PIK3IP1: variants seen among roughly 807,000 people sequenced by gnomAD.
PIK3IP1 encodes phosphoinositide-3-kinase interacting protein 1.
In PIK3IP1, 28 loss-of-function variants were observed where a neutral mutation model predicts 30.7. The observed-to-expected ratio is 0.91, with a 90% CI of 0.68 to 1.25. The LOEUF (loss-of-function observed/expected upper bound fraction) is 1.25. Among genes scored for constraint, PIK3IP1 ranks in the 50% most tolerant of loss-of-function variants. The pLI is 0.00. For synonymous variants in PIK3IP1, 159 were observed against 140.8 expected (o/e 1.13, Z -0.91); for missense variants, 333 against 346.2 (o/e 0.96, Z 0.30).
intron 5 of PIK3IP1, among the ~76,000 whole-genome samples, chr22:31,287,547 G>A (rs2049141458): frequency 6.7e-6 from 1 of 148,886 alleles, no homozygotes; most frequent in South Asian, 2.1e-4. Flanking sequence ...GGCCAGGCTG[G>A]TCTCGAACTC....
At chr22:31,285,054 G>A (rs2049120827) in intron 5 of PIK3IP1, among the ~76,000 whole-genome samples, 1 of 152,228 alleles carries the variant, frequency 6.6e-6, no homozygotes, top group Non-Finnish European at 1.5e-5. Flanking sequence ...AGAGAGAGCA[G>A]GTGTAGAGGA....
At chr22:31,290,643 A>C (rs2049167139) in intron 3 of PIK3IP1, 2 of 300,822 alleles carry the variant, frequency 6.6e-6, no homozygotes, top group Non-Finnish European at 6.1e-6. Context: ...GGTCTAGCAC[A>C]CTGCAGACGC....
In PIK3IP1 at chr22:31,290,945, C is replaced by A; in HGVS notation, c.307+20G>T. On this transcript the variant is annotated intron_variant, in intron 3 of 5. Coordinates refer to ENST00000215912, the MANE Select transcript of PIK3IP1 (RefSeq NM_052880.5). ...CTGTCAGCGCCAGGAGCGGGGATTC[C>A]CGGGGTCCCGGGCAGGTACCTGGAC... 1 of 1,549,586 alleles carries A rather than the reference C, an allele frequency of 6.5e-7. No homozygotes were observed.
Position 31,283,204 on chromosome 22 carries a change from G to A in PIK3IP1, c.672C>T (p.Thr224=), listed in dbSNP as rs2049103442. 3 of 1,614,200 alleles carry A rather than the reference G, an allele frequency of 1.9e-6. No individual in the cohort carries two copies. Among genetic ancestry groups the A allele is most frequent in the Middle Eastern group, 1.6e-4 (1 of 6,062 alleles). Residue 224 remains threonine (T), a synonymous_variant, in exon 6 of 6, where the codon ACC becomes ACT. Coordinates refer to ENST00000215912, the MANE Select transcript of PIK3IP1 (RefSeq NM_052880.5). The part of the protein sequence containing the change: ...QRITLPLSAF[T]NPTCEIVDEK... The stretch of plus-strand genomic sequence containing the variant: ...CATCCACAATCTCACAGGTGGGGTT[G>A]GTGAAGGCAGACAAGGGCAGAGTGA...
Position 31,282,934 on chromosome 22 carries a change from C to A in PIK3IP1, c.*150G>T, listed in dbSNP as rs2049100440. On this transcript the variant is annotated 3_prime_UTR_variant, in exon 6 of 6. Transcript: ENST00000215912. ...GCCTTACCCTCAGCCCACAGGGCCA[C>A]CTGCTTCTGTCACTCTTACTAGGAT... The A allele has an allele frequency of 7.8e-6, 5 of 643,226 alleles. No individual in the cohort carries two copies. The highest frequency in any genetic ancestry group is 1.3e-5 in the Non-Finnish European group (5 of 373,806). 39.8% of individuals were successfully genotyped at this position (643,226 alleles called of 1,614,324 possible). A position where few individuals can be genotyped will look rare whatever the true frequency, so the allele number is the denominator to read the frequency against.
intron 1 of PIK3IP1, among the ~76,000 whole-genome samples, chr22:31,291,993 G>A (rs982685193): frequency 1.3e-5 from 2 of 152,204 alleles, no homozygotes; most frequent in Non-Finnish European, 2.9e-5. Context: ...AAAGGGCTTA[G>A]AAAGAACAGG....
rs2049099361 is a variant in PIK3IP1 at position 31,282,790 on chromosome 22, T to C, written c.*294A>G. ...TCTATCCCTGGTTCAGTTCCAGGGGTGCAGGCAATGTTTGGAAGCCCTTAG... is the reference window on the plus strand; with the variant it reads ...TCTATCCCTGGTTCAGTTCCAGGGGCGCAGGCAATGTTTGGAAGCCCTTAG... On this transcript the variant is annotated 3_prime_UTR_variant, in exon 6 of 6. Coordinates refer to ENST00000215912, the MANE Select transcript of PIK3IP1 (RefSeq NM_052880.5). 2.7e-6 allele frequency: 1 copy of C among 370,562 alleles called. No individual in the cohort carries two copies. The highest frequency in any genetic ancestry group is 5.0e-6 in the Non-Finnish European group (1 of 198,088). 23.0% of individuals were successfully genotyped at this position (370,562 alleles called of 1,614,324 possible). A position where few individuals can be genotyped will look rare whatever the true frequency, so the allele number is the denominator to read the frequency against.
At chr22:31,290,207 GGTGAAACCCCGTCTCT>G (rs2049163458) in intron 3 of PIK3IP1, 1 of 152,734 alleles carries the variant, frequency 6.5e-6, no homozygotes, top group African/African-American at 2.4e-5. Flanking sequence ...CGGCCAACAT[GGTGAAACCCCGTCTCT>G]ACTAAAAATA....
At position 31,291,227 on chromosome 22, in the gene PIK3IP1, A is replaced by G; in HGVS notation, c.140T>C (p.Leu47Pro). The G allele has an allele frequency of 6.4e-7, 1 of 1,550,496 alleles. No individual in the cohort carries two copies. The highest frequency in any genetic ancestry group is 8.7e-7 in the Non-Finnish European group (1 of 1,147,090). ...CCCGCTCTGCGCGTCCAGCCAGTTG[A>G]GGCAGCGGAGGCCCGGCGCGGGGGA... Reference protein sequence around the residue: ...QTSPAPGLRCLNWLDAQSGLA... With the variant: ...QTSPAPGLRCPNWLDAQSGLA... The change falls in exon 2 of 6, where the codon CTC (leucine) becomes CCC (proline). Residue 47 changes from leucine (L) to proline (P), a missense_variant. Transcript: ENST00000215912.
At position 31,291,250 on chromosome 22, in the gene PIK3IP1, G is replaced by A; in HGVS notation, c.117C>T (p.Ser39=). The A allele has an allele frequency of 1.3e-6, 2 of 1,553,264 alleles. No homozygotes were observed. The highest frequency in any genetic ancestry group is 8.7e-7 in the Non-Finnish European group (1 of 1,148,802). ...TGAGGCAGCGGAGGCCCGGCGCGGG[G>A]GAGGTCTGGTCCTCCCGGTACAGGT... is the stretch of plus-strand genomic sequence containing the variant. ...NGHLYREDQT[S]PAPGLRCLNW... The change falls in exon 2 of 6, where the codon TCC becomes TCT. Residue 39 remains serine (S), a synonymous_variant. Transcript: ENST00000215912.
In PIK3IP1 at chr22:31,292,409, G is replaced by C; in HGVS notation, c.-65C>G. On this transcript the variant is annotated 5_prime_UTR_variant, in exon 1 of 6. Transcript: ENST00000215912. ...GTTTAACCGAGGCCCCCTTGGCGGCGGCTCTGCCTCCCAGTCCCAGCCTTG... is the reference window on the plus strand; with the variant it reads ...GTTTAACCGAGGCCCCCTTGGCGGCCGCTCTGCCTCCCAGTCCCAGCCTTG... The C allele has an allele frequency of 6.8e-7, 1 of 1,462,144 alleles. No homozygotes were observed. Among genetic ancestry groups the C allele is most frequent in the East Asian group, 2.3e-5 (1 of 44,104 alleles). 90.6% of individuals were successfully genotyped at this position (1,462,144 alleles called of 1,614,324 possible).
At chr22:31,286,981 A>G (rs1322913268) in intron 5 of PIK3IP1, among the ~76,000 whole-genome samples, 2 of 150,392 alleles carry the variant, frequency 1.3e-5, no homozygotes, top group Admixed American at 6.6e-5. Context: ...TTCCTGCATC[A>G]TAAGAAATCA....
In PIK3IP1 at chr22:31,283,057, G is replaced by T; in HGVS notation, c.*27C>A. On this transcript the variant is annotated 3_prime_UTR_variant, in exon 6 of 6. Coordinates refer to ENST00000215912, the MANE Select transcript of PIK3IP1 (RefSeq NM_052880.5). Reference sequence around the variant, plus strand: ...GGTGGGCTGTCCTGCACCAGTGTCTGCATGGGCTCCTGCCCACTGGGGGGG... The same window carrying T: ...GGTGGGCTGTCCTGCACCAGTGTCTTCATGGGCTCCTGCCCACTGGGGGGG... 6.5e-7 allele frequency: 1 copy of T among 1,547,246 alleles called. No homozygotes were observed. Among genetic ancestry groups the T allele is most frequent in the South Asian group, 1.2e-5 (1 of 85,896 alleles).
chr22:31,285,160 C>T (rs1221856913), intron 5 of PIK3IP1, among the ~76,000 whole-genome samples: 3 of 152,116 alleles, frequency 2.0e-5, no homozygotes, highest in African/African-American at 4.8e-5. Flanking sequence ...TACTCTGAGC[C>T]GCTGCTATTT....
At chr22:31,291,405 T>G in intron 1 of PIK3IP1, 109 bp from the exon 2 acceptor site, 2 of 1,094,910 alleles carry the variant, frequency 1.8e-6, no homozygotes, top group Non-Finnish European at 2.7e-6. Context: ...TCAGCCTGGT[T>G]AGGGGACCCC....
Position 31,290,994 on chromosome 22 carries a change from T to G in PIK3IP1, c.278A>C (p.Lys93Thr). ...ACAGCGCAGGTCCTCGCAAGGCCGT[T>G]TCTCAGGGACGCCGGCCTCGCCACT... ...YVSGEAGVPEKRPCEDLRCPE... is the reference protein window; with the variant it reads ...YVSGEAGVPETRPCEDLRCPE... The change falls in exon 3 of 6, where the codon AAA becomes ACA. Residue 93 changes from lysine (K) to threonine (T), a missense_variant. Coordinates refer to ENST00000215912, the MANE Select transcript of PIK3IP1 (RefSeq NM_052880.5). 6.2e-7 allele frequency: 1 copy of G among 1,604,740 alleles called. No individual in the cohort carries two copies. Among genetic ancestry groups the G allele is most frequent in the Non-Finnish European group, 8.5e-7 (1 of 1,176,346 alleles).
chr22:31,284,677 G>A (rs2049118150), intron 5 of PIK3IP1, among the ~76,000 whole-genome samples: 1 of 152,168 alleles, frequency 6.6e-6, no homozygotes, highest in Non-Finnish European at 1.5e-5. Flanking sequence ...CACTGACTTA[G>A]TTCCTCTCCT....
intron 1 of PIK3IP1, among the ~76,000 whole-genome samples, chr22:31,292,030 C>T (rs2049184648): frequency 6.6e-6 from 1 of 152,200 alleles, no homozygotes; most frequent in Admixed American, 6.5e-5. Flanking sequence ...AGATGAACCC[C>T]CAAGCTCCAT....
rs1212273774 is a variant in PIK3IP1, at chr22:31,292,402, T to C, written c.-58A>G. On this transcript the variant is annotated 5_prime_UTR_variant, in exon 1 of 6. Transcript: ENST00000215912. ...GACCAGTGTTTAACCGAGGCCCCCT[T>C]GGCGGCGGCTCTGCCTCCCAGTCCC... 2 of 1,539,410 alleles carry C rather than the reference T, an allele frequency of 1.3e-6. No homozygotes were observed. The highest frequency in any genetic ancestry group is 1.4e-5 in the African/African-American group (1 of 73,372).
Sources: gnomAD v4.1 joint callset for allele counts (sites outside exome capture counted in the v4.1 genomes callset) on GRCh38, gnomAD v4.1.1 for gene constraint, MANE v1.5 for transcripts, NCBI Gene and HGNC (gene_info 2026-07-23, HGNC 2026-07-21) for gene names.